The following ERBB4 variants were observed in gnomAD, a reference collection of about 807,000 sequenced individuals.
The protein encoded by ERBB4 is erb-b2 receptor tyrosine kinase 4.
Under a neutral mutation model 158.0 loss-of-function variants are expected in ERBB4, and 42 were observed. The ratio of observed to expected loss-of-function variants is 0.27; its 90% CI spans 0.21 to 0.34. ERBB4 has a LOEUF of 0.34. Ranked by LOEUF, ERBB4 falls within the 10% of genes least tolerant of loss-of-function variation. The pLI is 1.00. For synonymous variants in ERBB4, 583 were observed against 558.7 expected (o/e 1.04, Z -0.61); for missense variants, 1,333 against 1,624.1 (o/e 0.82, Z 3.08).
intron 12 of ERBB4, among the ~76,000 whole-genome samples, chr2:211,691,197 C>T (rs1302943177): frequency 6.6e-6 from 1 of 152,090 alleles, no homozygotes; most frequent in African/African-American, 2.4e-5. Context: ...TAGATTTAAA[C>T]CCTTACTCTG....
chr2:212,059,426 C>G lies in ERBB4; in HGVS notation c.234+65326G>C, dbSNP rs568322449. Among the ~76,000 whole-genome samples the G allele has an allele frequency of 1.2e-3, 179 of 152,122 alleles. 3 individuals are homozygous for G. The South Asian group carries it at 0.018, about 16-fold the overall frequency. On this transcript the variant is annotated intron_variant, in intron 2 of 27. Coordinates refer to ENST00000342788, the MANE Select transcript of ERBB4 (RefSeq NM_005235.3). ...CAAGCTACCAATGACTTTCTTCACA[C>G]AATTGGAAAAAACTGCTTTAAAGTT...
chr2:211,379,000 G>A lies in ERBB4; in HGVS notation c.*4615C>T. The A allele has an allele frequency of 4.3e-6, 1 of 231,622 alleles. No homozygotes were observed. Among genetic ancestry groups the A allele is most frequent in the Non-Finnish European group, 8.5e-6 (1 of 117,148 alleles). 14.3% of individuals were successfully genotyped at this position (231,622 alleles called of 1,614,324 possible). A position where few individuals can be genotyped will look rare whatever the true frequency, so the allele number is the denominator to read the frequency against. On this transcript the variant is annotated 3_prime_UTR_variant, in exon 28 of 28. Transcript: ENST00000342788. The stretch of plus-strand genomic sequence containing the variant: ...CTGGTTTTTTTAACAACTAGAAGCT[G>A]ATGCACATGGATTTCTCATTTGCCC...
At chr2:211,855,148 G>C (rs2077824120) in intron 3 of ERBB4, among the ~76,000 whole-genome samples, 1 of 152,092 alleles carries the variant, frequency 6.6e-6, no homozygotes, top group Admixed American at 6.5e-5. Context: ...GATATCTTCT[G>C]TTGGAGAGTG....
At chr2:211,501,559 A>G (rs1217120602) in intron 20 of ERBB4, among the ~76,000 whole-genome samples, 2 of 151,888 alleles carry the variant, frequency 1.3e-5, no homozygotes, top group Admixed American at 6.6e-5. Flanking sequence ...GAAAACAATA[A>G]GATATTGTTG....
intron 1 of ERBB4, among the ~76,000 whole-genome samples, chr2:212,529,721 T>A (rs77630408): frequency 0.015 from 2,281 of 152,292 alleles, 30 homozygotes; most frequent in Non-Finnish European, 0.02. Flanking sequence ...ACTTAAAAAG[T>A]CAAAACTATT....
intron 9 of ERBB4, among the ~76,000 whole-genome samples, chr2:211,709,894 T>C (rs2073626883): frequency 6.6e-6 from 1 of 152,170 alleles, no homozygotes; most frequent in Admixed American, 6.5e-5. Flanking sequence ...TGGTTTTCTA[T>C]TCCAGTGGTC....
At chr2:211,602,547 TCAAA>T (rs1319620863) in intron 19 of ERBB4, among the ~76,000 whole-genome samples, 2 of 152,004 alleles carry the variant, frequency 1.3e-5, no homozygotes, top group Non-Finnish European at 2.9e-5. Context: ...AAAACACAAC[TCAAA>T]CAAAGTATGG....
At chr2:212,454,391 A>T (rs1688172403) in intron 1 of ERBB4, among the ~76,000 whole-genome samples, 1 of 152,200 alleles carries the variant, frequency 6.6e-6, no homozygotes, top group South Asian at 2.1e-4. Context: ...ATGAATGCTT[A>T]GCATGAAAAT....
Position 211,623,925 on chromosome 2 carries a change from A to G in ERBB4, c.2199T>C (p.Tyr733=). 6.2e-7 allele frequency: 1 copy of G among 1,614,082 alleles called. No homozygotes were observed. The highest frequency in any genetic ancestry group is 8.5e-7 in the Non-Finnish European group (1 of 1,179,970). ...ATATGCGTTGTTTTTTACTTACTTT[A>G]TAAACCGTTCCAAAAGCACCTGAGC... ...VLGSGAFGTV[Y]KGIWVPEGET... The change falls in exon 18 of 28, where the codon TAT becomes TAC. Residue 733 remains tyrosine (Y), a synonymous_variant. Transcript: ENST00000342788.
At chr2:212,515,225 C>G (rs1033495196) in intron 1 of ERBB4, among the ~76,000 whole-genome samples, 2 of 152,092 alleles carry the variant, frequency 1.3e-5, no homozygotes, top group African/African-American at 4.8e-5. Context: ...AAAACATTTT[C>G]AATATCAGTT....
chr2:212,444,653 T>A (rs1233865956), intron 1 of ERBB4, among the ~76,000 whole-genome samples: 1 of 152,158 alleles, frequency 6.6e-6, no homozygotes, highest in African/African-American at 2.4e-5. Context: ...CATTGCCCAA[T>A]AGGCCCAGGA....
chr2:211,942,203 T>A (rs2080519484), intron 3 of ERBB4, among the ~76,000 whole-genome samples: 1 of 152,174 alleles, frequency 6.6e-6, no homozygotes, highest in South Asian at 2.1e-4. Flanking sequence ...AGGTACTACA[T>A]TACTTGGATG....
At chr2:211,801,393 T>G (rs925580396) in intron 3 of ERBB4, among the ~76,000 whole-genome samples, 4 of 152,146 alleles carry the variant, frequency 2.6e-5, no homozygotes, top group African/African-American at 9.6e-5. Flanking sequence ...TTAAATCATC[T>G]TTTTTCTTTG....
intron 1 of ERBB4, among the ~76,000 whole-genome samples, chr2:212,281,206 ATAATT>A (rs1237964813): frequency 1.3e-5 from 2 of 151,726 alleles, no homozygotes; most frequent in Non-Finnish European, 3.0e-5. Context: ...TTTCATTAAT[ATAATT>A]TAACTGATTT....
chr2:211,436,895 C>A (rs1439911461), intron 20 of ERBB4, among the ~76,000 whole-genome samples: 1 of 152,054 alleles, frequency 6.6e-6, no homozygotes, highest in African/African-American at 2.4e-5. Flanking sequence ...AAATACATCA[C>A]CGACTCAAGA....
chr2:212,202,451 T>A (rs1278261541), intron 1 of ERBB4, among the ~76,000 whole-genome samples: 1 of 152,070 alleles, frequency 6.6e-6, no homozygotes, highest in Non-Finnish European at 1.5e-5. Flanking sequence ...TGGGCTCAAG[T>A]GATCCTCCTG....
intron 1 of ERBB4, among the ~76,000 whole-genome samples, chr2:212,324,723 A>G (rs1271158646): frequency 2.7e-5 from 4 of 150,614 alleles, no homozygotes; most frequent in Non-Finnish European, 1.5e-5. Flanking sequence ...ATAAAAGCAC[A>G]ATAACAAATA....
intron 1 of ERBB4, among the ~76,000 whole-genome samples, chr2:212,200,063 A>T (rs959878665): frequency 2.0e-5 from 3 of 152,202 alleles, no homozygotes; most frequent in African/African-American, 4.8e-5. Flanking sequence ...CTTGTTTAAA[A>T]TTCTGTTAAA....
At chr2:211,832,889 T>TTA (rs36118572) in intron 3 of ERBB4, among the ~76,000 whole-genome samples, 31,650 of 149,052 alleles carry the variant, frequency 0.21, 3,509 homozygotes, top group South Asian at 0.32. Context: ...TATATATAGT[T>TTA]TATATATATG....
Sources: allele counts gnomAD v4.1 joint callset (sites outside exome capture counted in the v4.1 genomes callset), GRCh38; gene constraint gnomAD v4.1.1; transcripts MANE v1.5; gene names NCBI Gene and HGNC (gene_info 2026-07-23, HGNC 2026-07-21).